Variants in AHRR observed in about 807,000 individuals in gnomAD.
The protein encoded by AHRR is aryl hydrocarbon receptor repressor, also known as ahR repressor.
A neutral mutation model predicts 44.0 loss-of-function variants in AHRR; 28 were observed. The ratio of observed to expected loss-of-function variants is 0.64; its 90% CI spans 0.47 to 0.87. The LOEUF is 0.87. Among genes scored for constraint, AHRR ranks in the 40% least tolerant of loss-of-function variants. The probability of loss-of-function intolerance (pLI) is 0.00; values close to 1 mark genes in which losing one functional copy is unlikely to be tolerated. For synonymous variants in AHRR, 434 were observed against 407.0 expected (o/e 1.07, Z -0.80); for missense variants, 990 against 953.9 (o/e 1.04, Z -0.50).
chr5:368,020 A>G, intron 3 of AHRR: 1 of 683,990 alleles, frequency 1.5e-6, no homozygotes, highest in African/African-American at 1.8e-5. Flanking sequence ...GGTGATTCAC[A>G]GGCAGGCCAG....
In AHRR at chr5:338,580, A is replaced by G. The variant is rs1818534; in HGVS notation, c.-10-5313A>G. ...ATTCTAGGCCAGGTACGTGGCTCAT[A>G]CCTGTAATCCCAGCACTCTTGGAGG... On this transcript the variant is annotated intron_variant, in intron 1 of 10. Transcript: ENST00000684583. The surrounding 1 kb of genome is among the most constrained non-coding windows in gnomAD (Gnocchi z 4.1). Among the ~76,000 whole-genome samples the G allele has an allele frequency of 0.66, 100,744 of 151,626 alleles. 34,108 individuals carry two copies. The highest frequency in any genetic ancestry group is 0.74 in the African/African-American group (30,385 of 41,292).
At position 416,845 on chromosome 5, in the gene AHRR, G is replaced by A. The variant is rs564537240; in HGVS notation, c.441+3412G>A. Among the ~76,000 whole-genome samples, 11 of 152,360 alleles carry A rather than the reference G, an allele frequency of 7.2e-5. No homozygotes were observed. In the East Asian group the frequency reaches 1.3e-3, roughly 19 times the overall value. The stretch of plus-strand genomic sequence containing the variant: ...TTGTCAACTTAAACAGAGCAGCTTC[G>A]GCTTGGTCTTTTTGTGCAGGGCCCA... On this transcript the variant is annotated intron_variant, in intron 5 of 10. Coordinates refer to ENST00000684583, the MANE Select transcript of AHRR (RefSeq NM_001377236.1).
At chr5:426,084 T>C (rs1392107756) in intron 7 of AHRR, among the ~76,000 whole-genome samples, 1 of 152,214 alleles carries the variant, frequency 6.6e-6, no homozygotes, top group Non-Finnish European at 1.5e-5. Context: ...TGGGAATTTT[T>C]CCCCCTGGAG....
At chr5:413,730 G>T (rs1211446452) in intron 5 of AHRR, among the ~76,000 whole-genome samples, 1 of 152,150 alleles carries the variant, frequency 6.6e-6, no homozygotes, top group Non-Finnish European at 1.5e-5. Flanking sequence ...TAGGTCCCCT[G>T]CCCCACCAGC....
At chr5:432,376 A>T in intron 8 of AHRR, 87 bp from the exon 9 acceptor site, 1 of 1,329,632 alleles carries the variant, frequency 7.5e-7, no homozygotes, top group Non-Finnish European at 1.1e-6. Flanking sequence ...ACCTGTCATT[A>T]TTAATTTCTA....
intron 1 of AHRR, among the ~76,000 whole-genome samples, chr5:330,514 CA>C (rs1373753829): frequency 6.6e-6 from 1 of 152,088 alleles, no homozygotes; most frequent in East Asian, 1.9e-4. Context: ...GCTAGGCTTA[CA>C]GGTGCACACC....
chr5:388,666 G>A lies in AHRR; in HGVS notation c.351+11950G>A, dbSNP rs994363636. Among the ~76,000 whole-genome samples, 3 of 152,150 alleles carry A rather than the reference G, an allele frequency of 2.0e-5. No homozygotes were observed. The highest frequency in any genetic ancestry group is 2.9e-5 in the Non-Finnish European group (2 of 68,018). ...CATGGGGCTTGGTGACATGAGGAGCGGGGGTGTCAGAGCCAGGGGCACCGT... is the reference window on the plus strand; with the variant it reads ...CATGGGGCTTGGTGACATGAGGAGCAGGGGTGTCAGAGCCAGGGGCACCGT... On this transcript the variant is annotated intron_variant, in intron 4 of 10. Coordinates refer to ENST00000684583, the MANE Select transcript of AHRR (RefSeq NM_001377236.1). The surrounding 1 kb of genome is among the most constrained non-coding windows in gnomAD (Gnocchi z 5.2).
intron 2 of AHRR, among the ~76,000 whole-genome samples, chr5:345,550 A>ATG (rs1256858402): frequency 2.9e-4 from 14 of 48,650 alleles, no homozygotes; most frequent in African/African-American, 1.1e-3. Context: ...GTGTGTGGGG[A>ATG]TGTGTGTGTG....
chr5:391,006 C>A (rs975779403), intron 4 of AHRR, among the ~76,000 whole-genome samples: 7 of 151,964 alleles, frequency 4.6e-5, no homozygotes, highest in African/African-American at 1.7e-4. Context: ...CTCCAGGAGG[C>A]AGTGGCAGAG....
chr5:406,565 G>C lies in AHRR; in HGVS notation c.352-6779G>C, dbSNP rs966171317. On this transcript the variant is annotated intron_variant, in intron 4 of 10. Transcript: ENST00000684583. The surrounding 1 kb of genome is among the most constrained non-coding windows in gnomAD (Gnocchi z 4.7). The stretch of plus-strand genomic sequence containing the variant: ...ACGTTAAGAAACAGAAAATACTCAA[G>C]CTGGTTAGGCTATTCAAGAACATAG... 5.9e-5 allele frequency among the ~76,000 whole-genome samples: 9 copies of C among 152,300 alleles called. No individual in the cohort carries two copies. The highest frequency in any genetic ancestry group is 2.2e-4 in the African/African-American group (9 of 41,564).
rs1736990676 is a variant in AHRR, at chr5:435,606, C to T, written c.*772C>T. On this transcript the variant is annotated 3_prime_UTR_variant, in exon 11 of 11. Transcript: ENST00000684583. ...CATCTCCCGAGTTCTCAGTGGGTCT[C>T]TGCGGACGGTTCTTCCTAATCTGCC... 6.6e-6 allele frequency: 1 copy of T among 152,382 alleles called. No homozygotes were observed. Among genetic ancestry groups the T allele is most frequent in the African/African-American group, 2.4e-5 (1 of 41,454 alleles). 9.4% of individuals were successfully genotyped at this position (152,382 alleles called of 1,614,324 possible).
chr5:374,466 G>T (rs1259959244), intron 3 of AHRR, among the ~76,000 whole-genome samples: 1 of 152,246 alleles, frequency 6.6e-6, no homozygotes, highest in Non-Finnish European at 1.5e-5. Context: ...GGGGTTTCCA[G>T]GTGGGAAGAG....
intron 1 of AHRR, chr5:343,597 C>T: frequency 2.4e-6 from 1 of 416,166 alleles, no homozygotes; most frequent in Non-Finnish European, 4.3e-6. Flanking sequence ...GCCGGTCTCC[C>T]GCCACGGCGC....
chr5:367,045 G>A (rs1375957088), intron 3 of AHRR, among the ~76,000 whole-genome samples: 3 of 152,250 alleles, frequency 2.0e-5, no homozygotes, highest in Admixed American at 6.5e-5. Flanking sequence ...GGGTATCTGG[G>A]TGCTTTATAT....
At chr5:324,681 C>G (rs552582466) in intron 1 of AHRR, among the ~76,000 whole-genome samples, 1 of 151,974 alleles carries the variant, frequency 6.6e-6, no homozygotes, top group Admixed American at 6.6e-5. Context: ...CCCAGCTACT[C>G]GAGAGGCTGA....
chr5:404,595 T>G lies in AHRR; in HGVS notation c.352-8749T>G, dbSNP rs948420184. 4.3e-6 allele frequency: 1 copy of G among 232,954 alleles called. No homozygotes were observed. Among genetic ancestry groups the G allele is most frequent in the African/African-American group, 2.3e-5 (1 of 43,592 alleles). The allele number at this position is 232,954 out of a possible 1,614,324, so 14.4% of individuals were successfully genotyped here. A position where few individuals can be genotyped will look rare whatever the true frequency, so the allele number is the denominator to read the frequency against. The stretch of plus-strand genomic sequence containing the variant: ...TACTAAAATGGTAATTTTTATGTTA[T>G]GACGGTTTGGAAAAAACTGTCATAA... On this transcript the variant is annotated intron_variant, in intron 4 of 10. Coordinates refer to ENST00000684583, the MANE Select transcript of AHRR (RefSeq NM_001377236.1). The surrounding 1 kb of genome is among the most constrained non-coding windows in gnomAD (Gnocchi z 4.1).
Position 381,506 on chromosome 5 carries a change from C to CTTTTTTTTTTTTT in AHRR, c.351+4805_351+4817dup, listed in dbSNP as rs781159124. ...CATTAAATATATTAGCTTAGGTTTG[C>CTTTTTTTTTTTTT]TTTTTTTTTTTTTTTTTTTTTTTTT... On this transcript the variant is annotated intron_variant, in intron 4 of 10. Coordinates refer to ENST00000684583, the MANE Select transcript of AHRR (RefSeq NM_001377236.1). Among the ~76,000 whole-genome samples the CTTTTTTTTTTTTT allele has an allele frequency of 2.1e-4, 10 of 46,914 alleles. 4 individuals are homozygous for CTTTTTTTTTTTTT. Among genetic ancestry groups the CTTTTTTTTTTTTT allele is most frequent in the Admixed American group, 6.3e-4 (2 of 3,196 alleles). The allele number at this position is 46,914 out of a possible 152,430, so 30.8% of individuals were successfully genotyped here. A position where few individuals can be genotyped will look rare whatever the true frequency, so the allele number is the denominator to read the frequency against.
intron 3 of AHRR, among the ~76,000 whole-genome samples, chr5:374,190 G>T (rs1743695736): frequency 6.6e-6 from 1 of 152,068 alleles, no homozygotes; most frequent in South Asian, 2.1e-4. Context: ...GCGGACCTCG[G>T]CGGGGAGCGC....
chr5:386,749 G>A (rs1579650276), intron 4 of AHRR, among the ~76,000 whole-genome samples: 1 of 151,970 alleles, frequency 6.6e-6, no homozygotes, highest in East Asian at 1.9e-4. Flanking sequence ...GTAACAGGGA[G>A]CTAACCCAGA....
Sources: allele counts gnomAD v4.1 joint callset (sites outside exome capture counted in the v4.1 genomes callset), GRCh38; gene constraint gnomAD v4.1.1; non-coding constraint Gnocchi (gnomAD v3.1); transcripts MANE v1.5; gene names NCBI Gene and HGNC (gene_info 2026-07-23, HGNC 2026-07-21).